The following NAV2 variants were observed in gnomAD, a reference collection of about 807,000 sequenced individuals.
NAV2 encodes helicase, APC down-regulated 1.
Under a neutral mutation model 223.2 loss-of-function variants are expected in NAV2, and 54 were observed. The ratio of observed to expected loss-of-function variants is 0.24; its 90% CI spans 0.19 to 0.30. The LOEUF (loss-of-function observed/expected upper bound fraction) is 0.30. Among genes scored for constraint, NAV2 ranks in the 10% least tolerant of loss-of-function variants. NAV2 has a pLI of 1.00. For missense variants in NAV2, 2,806 were observed against 3,147.5 expected (o/e 0.89, Z 2.60); for synonymous variants, 1,279 against 1,239.3 (o/e 1.03, Z -0.67).
intron 1 of NAV2, among the ~76,000 whole-genome samples, chr11:19,787,346 G>A (rs1213070447): frequency 6.8e-6 from 1 of 146,420 alleles, no homozygotes; most frequent in Non-Finnish European, 1.5e-5. Context: ...GAATTCCTGG[G>A]GAAAAGGGAT....
At chr11:19,757,214 CA>C (rs552055930) in intron 1 of NAV2, among the ~76,000 whole-genome samples, 342 of 152,288 alleles carry the variant, frequency 2.2e-3, no homozygotes, top group African/African-American at 8.0e-3. Flanking sequence ...GTGGAAACCA[CA>C]GGCTTCATCT....
At chr11:19,439,698 A>G (rs11828197) in intron 1 of NAV2, among the ~76,000 whole-genome samples, 55,501 of 152,168 alleles carry the variant, frequency 0.36, 11,229 homozygotes, top group East Asian at 0.55. Flanking sequence ...CATGATCAAG[A>G]AATACATTTT....
At chr11:19,365,255 A>G (rs1417107876) in intron 1 of NAV2, among the ~76,000 whole-genome samples, 1 of 152,150 alleles carries the variant, frequency 6.6e-6, no homozygotes, top group East Asian at 1.9e-4. Context: ...TTCAAGATTC[A>G]TCTCACATTT....
chr11:19,952,651 A>T (rs540917974), intron 10 of NAV2, among the ~76,000 whole-genome samples: 1 of 152,316 alleles, frequency 6.6e-6, no homozygotes, highest in Non-Finnish European at 1.5e-5. Context: ...CTGGTTTCTA[A>T]AAACCTAAGA....
chr11:19,377,169 A>G (rs1406441576), intron 1 of NAV2, among the ~76,000 whole-genome samples: 2 of 152,192 alleles, frequency 1.3e-5, no homozygotes, highest in Non-Finnish European at 2.9e-5. Context: ...TTAGATCTTT[A>G]AAAAGTTAGA....
chr11:20,013,878 T>A (rs1045664533), intron 11 of NAV2, among the ~76,000 whole-genome samples: 1 of 152,214 alleles, frequency 6.6e-6, no homozygotes, highest in African/African-American at 2.4e-5. Flanking sequence ...GGTGGCAGCC[T>A]GCTCAGTAAG....
Position 19,560,877 on chromosome 11 carries a change from A to T in NAV2, c.75+209850A>T, listed in dbSNP as rs188079718. 5.9e-5 allele frequency among the ~76,000 whole-genome samples: 9 copies of T among 152,370 alleles called. No individual in the cohort carries two copies. The East Asian group carries it at 1.5e-3, about 26-fold the overall frequency. On this transcript the variant is annotated intron_variant, in intron 1 of 37. Transcript: ENST00000360655. ...GTGCATCAACAGCAAGGTCCCAAAG[A>T]TAAATAAGTTTGAGAAACTCTGGGT...
chr11:19,387,931 C>T (rs1043849112), intron 1 of NAV2, among the ~76,000 whole-genome samples: 1 of 152,310 alleles, frequency 6.6e-6, no homozygotes. Context: ...TCTCCTCTCT[C>T]AGTGAGCCAA....
At chr11:19,793,680 G>A (rs1158837925) in intron 1 of NAV2, among the ~76,000 whole-genome samples, 3 of 149,222 alleles carry the variant, frequency 2.0e-5, no homozygotes, top group Non-Finnish European at 3.0e-5. Context: ...ATCAGATTGT[G>A]TCGTGCCCTG....
At position 19,862,003 on chromosome 11, in the gene NAV2, G is replaced by T. The variant is rs75775386; in HGVS notation, c.439-6922G>T. 6.4e-3 allele frequency among the ~76,000 whole-genome samples: 973 copies of T among 152,242 alleles called. 10 individuals are homozygous for T. The highest frequency in any genetic ancestry group is 0.023 in the African/African-American group (936 of 41,518). ...AACTTTAGCTACAACTCCCCTCCCA[G>T]GTTGCTTTCTTTGTTTCAAGGGAAA... is the stretch of plus-strand genomic sequence containing the variant. On this transcript the variant is annotated intron_variant, in intron 3 of 37. Transcript: ENST00000349880.
chr11:19,531,254 T>C (rs2044020120), intron 1 of NAV2, among the ~76,000 whole-genome samples: 1 of 152,152 alleles, frequency 6.6e-6, no homozygotes. Context: ...ATATATGTAA[T>C]AGCACCTAAT....
At chr11:19,549,486 C>T (rs1470548654) in intron 1 of NAV2, among the ~76,000 whole-genome samples, 1 of 152,206 alleles carries the variant, frequency 6.6e-6, no homozygotes, top group Non-Finnish European at 1.5e-5. Flanking sequence ...TGCAGAGAGA[C>T]ACTGGCCGGA....
At chr11:19,559,374 AC>A in intron 1 of NAV2, among the ~76,000 whole-genome samples, 1 of 152,174 alleles carries the variant, frequency 6.6e-6, no homozygotes. Context: ...AAGTCATTTA[AC>A]CCCCGAGCCT....
intron 1 of NAV2, among the ~76,000 whole-genome samples, chr11:19,422,798 C>T (rs968628990): frequency 6.6e-6 from 1 of 152,216 alleles, no homozygotes; most frequent in Non-Finnish European, 1.5e-5. Context: ...TATGCCTGCT[C>T]TTTCTCTCCA....
chr11:19,613,194 G>A (rs940426076), intron 1 of NAV2, among the ~76,000 whole-genome samples: 2 of 152,116 alleles, frequency 1.3e-5, no homozygotes, highest in Middle Eastern at 3.2e-3. Flanking sequence ...GGAATTCTGG[G>A]AGATGCAATT....
At chr11:19,390,959 A>G (rs987855728) in intron 1 of NAV2, among the ~76,000 whole-genome samples, 7 of 152,120 alleles carry the variant, frequency 4.6e-5, no homozygotes, top group African/African-American at 1.7e-4. Flanking sequence ...ATCCCTTCCA[A>G]TTACTCAAGA....
At chr11:19,550,664 C>T (rs2044661988) in intron 1 of NAV2, among the ~76,000 whole-genome samples, 1 of 152,240 alleles carries the variant, frequency 6.6e-6, no homozygotes, top group Non-Finnish European at 1.5e-5. Context: ...GCCCACAATG[C>T]TGTGGCTTCC....
chr11:19,981,631 G>A (rs897624146), intron 10 of NAV2, among the ~76,000 whole-genome samples: 4 of 152,242 alleles, frequency 2.6e-5, no homozygotes, highest in African/African-American at 9.6e-5. Flanking sequence ...GCTTAATGGT[G>A]TAATAGATGG....
chr11:19,427,128 C>G (rs1002463885), intron 1 of NAV2, among the ~76,000 whole-genome samples: 4 of 152,196 alleles, frequency 2.6e-5, no homozygotes, highest in Admixed American at 1.3e-4. Context: ...AGCTTTTCCT[C>G]CAAGGGAACC....
Sources: gnomAD v4.1 joint callset for allele counts (sites outside exome capture counted in the v4.1 genomes callset) on GRCh38, gnomAD v4.1.1 for gene constraint, MANE v1.5 for transcripts, NCBI Gene and HGNC (gene_info 2026-07-23, HGNC 2026-07-21) for gene names.